DIP2B: variants seen among roughly 807,000 people sequenced by gnomAD.
DIP2B encodes disco-interacting protein 2 homolog B.
A neutral mutation model predicts 198.0 loss-of-function variants in DIP2B; 76 were observed. The observed-to-expected ratio is 0.38, with a 90% CI of 0.32 to 0.46. The LOEUF is 0.46. DIP2B is among the 20% of genes least tolerant of loss of function. The probability of loss-of-function intolerance (pLI) is 0.99; values close to 1 mark genes in which losing one functional copy is unlikely to be tolerated. For missense variants in DIP2B, 1,559 were observed against 1,978.4 expected (o/e 0.79, Z 4.02); for synonymous variants, 701 against 739.1 (o/e 0.95, Z 0.84).
intron 1 of DIP2B, among the ~76,000 whole-genome samples, chr12:50,565,144 A>G (rs1958552635): frequency 1.3e-5 from 2 of 151,924 alleles, no homozygotes; most frequent in South Asian, 4.2e-4. Context: ...CTGGGACTAA[A>G]GGCATGCACT....
intron 1 of DIP2B, among the ~76,000 whole-genome samples, chr12:50,505,792 G>A (rs970145628): frequency 6.6e-6 from 1 of 152,098 alleles, no homozygotes; most frequent in Non-Finnish European, 1.5e-5. Context: ...GTCCTAGGAA[G>A]ATAAGAAGCA....
chr12:50,573,159 G>C (rs1358247855), intron 1 of DIP2B, among the ~76,000 whole-genome samples: 1 of 152,188 alleles, frequency 6.6e-6, no homozygotes, highest in African/African-American at 2.4e-5. Flanking sequence ...TCATAATCCA[G>C]AAGAGGTAAA....
chr12:50,698,615 C>T lies in DIP2B; in HGVS notation c.2188+148C>T, dbSNP rs144887002. The T allele has an allele frequency of 7.8e-4, 773 of 991,184 alleles. 6 individuals carry two copies. The African/African-American group carries it at 0.011, about 14-fold the overall frequency. 61.4% of individuals were successfully genotyped at this position (991,184 alleles called of 1,614,324 possible). On this transcript the variant is annotated intron_variant, in intron 18 of 37. Transcript: ENST00000301180. ...CTCAGAGCCTCTCTAATAGTTAAGT[C>T]ATTATAATTATGCTGACCTTCCAGC...
At chr12:50,557,903 T>C (rs987440295) in intron 1 of DIP2B, among the ~76,000 whole-genome samples, 1 of 152,164 alleles carries the variant, frequency 6.6e-6, no homozygotes, top group Non-Finnish European at 1.5e-5. Context: ...TCTCAGCACT[T>C]TGGGAGGCTG....
chr12:50,562,560 C>G (rs1269196554), intron 1 of DIP2B, among the ~76,000 whole-genome samples: 7 of 151,782 alleles, frequency 4.6e-5, no homozygotes. Context: ...CATGCAAAAC[C>G]CCTCTCTACA....
At chr12:50,649,979 C>T (rs1331460716) in intron 3 of DIP2B, among the ~76,000 whole-genome samples, 5 of 152,008 alleles carry the variant, frequency 3.3e-5, no homozygotes, top group Non-Finnish European at 7.4e-5. Flanking sequence ...AAAGCCGAGG[C>T]GGGTGGATCA....
chr12:50,691,690 G>T (rs1939225069), intron 13 of DIP2B, among the ~76,000 whole-genome samples: 1 of 152,028 alleles, frequency 6.6e-6, no homozygotes, highest in Admixed American at 6.6e-5. Flanking sequence ...AGACAACAAT[G>T]TTCTATCATG....
intron 1 of DIP2B, among the ~76,000 whole-genome samples, chr12:50,599,635 C>CA (rs1271961367): frequency 6.6e-6 from 1 of 151,938 alleles, no homozygotes; most frequent in African/African-American, 2.4e-5. Context: ...AAAAACAAAA[C>CA]AAAAAAACAA....
chr12:50,673,418 GTTT>G (rs1170186612), intron 5 of DIP2B, among the ~76,000 whole-genome samples: 3 of 152,200 alleles, frequency 2.0e-5, no homozygotes, highest in Non-Finnish European at 4.4e-5. Flanking sequence ...ACTATGTGGT[GTTT>G]TTTGTTGTTG....
chr12:50,528,925 T>TA (rs1958191459), intron 1 of DIP2B, among the ~76,000 whole-genome samples: 2 of 152,216 alleles, frequency 1.3e-5, no homozygotes, highest in South Asian at 2.1e-4. Context: ...TTTGTGATTA[T>TA]GAACTTGGTG....
At chr12:50,702,591 T>A (rs1939438783) in intron 19 of DIP2B, among the ~76,000 whole-genome samples, 1 of 151,526 alleles carries the variant, frequency 6.6e-6, no homozygotes, top group African/African-American at 2.4e-5. Flanking sequence ...GGTGCTGTGG[T>A]TCACACCTGT....
At chr12:50,695,454 C>T (rs771204667) in intron 15 of DIP2B, 94 bp downstream of exon 15, 361 of 1,169,592 alleles carry the variant, frequency 3.1e-4, no homozygotes, top group Non-Finnish European at 4.0e-4. Context: ...TTGTATGCCC[C>T]TGTCCCTTAA....
Position 50,744,746 on chromosome 12 carries a change from G to A in DIP2B, c.4638G>A (p.Pro1546=), listed in dbSNP as rs546140546. 1.3e-4 allele frequency: 208 copies of A among 1,614,104 alleles called. 2 individuals carry two copies. In the South Asian group the frequency reaches 2.2e-3, roughly 17 times the overall value. The change falls in exon 38 of 38, where the codon CCG becomes CCA. Residue 1546 remains proline, a synonymous_variant. Transcript: ENST00000301180. ...TTGTGGTGGACCCAGGTGTCATCCC[G>A]ATCAACTCCAGAGGAGAGAAGCAGA... ...VVVVVDPGVI[P]INSRGEKQRM...
At chr12:50,714,809 T>TG (rs1939684434) in intron 23 of DIP2B, among the ~76,000 whole-genome samples, 1 of 151,960 alleles carries the variant, frequency 6.6e-6, no homozygotes, top group Non-Finnish European at 1.5e-5. Context: ...CCAGGCCCGG[T>TG]GGTGCACACC....
chr12:50,652,514 C>T (rs1042674926), intron 3 of DIP2B, among the ~76,000 whole-genome samples: 6 of 151,688 alleles, frequency 4.0e-5, no homozygotes, highest in African/African-American at 9.7e-5. Flanking sequence ...CTAGCCTGGG[C>T]GACAGACTGA....
chr12:50,569,699 T>TAAA (rs1233019855), intron 1 of DIP2B, among the ~76,000 whole-genome samples: 1 of 152,220 alleles, frequency 6.6e-6, no homozygotes, highest in African/African-American at 2.4e-5. Context: ...TTCTGCTGTG[T>TAAA]TTTACTAAAC....
In DIP2B at chr12:50,702,645, C is replaced by T. The variant is rs908429591; in HGVS notation, c.2326-1495C>T. Among the ~76,000 whole-genome samples the T allele has an allele frequency of 2.1e-5, 3 of 144,168 alleles. No homozygotes were observed. The Admixed American group carries it at 2.2e-4, about 11-fold the overall frequency. 94.6% of individuals were successfully genotyped at this position (144,168 alleles called of 152,430 possible). On this transcript the variant is annotated intron_variant, in intron 19 of 37. Transcript: ENST00000301180. ...GTGTGACACGGGGGATCACATGGGC[C>T]GAGGAGTTCAAGGCTGTACTGAACC...
At chr12:50,590,469 A>G (rs1196453828) in intron 1 of DIP2B, among the ~76,000 whole-genome samples, 1 of 152,054 alleles carries the variant, frequency 6.6e-6, no homozygotes, top group Non-Finnish European at 1.5e-5. Flanking sequence ...TCCGGGGTTC[A>G]AGCAATTCTC....
chr12:50,729,022 G>A (rs146610968), intron 30 of DIP2B, among the ~76,000 whole-genome samples: 11 of 152,216 alleles, frequency 7.2e-5, no homozygotes, highest in African/African-American at 2.6e-4. Flanking sequence ...GTACCCCCTC[G>A]GCTTGGCAGG....
Sources: gnomAD v4.1 joint callset for allele counts (sites outside exome capture counted in the v4.1 genomes callset) on GRCh38, gnomAD v4.1.1 for gene constraint, MANE v1.5 for transcripts, NCBI Gene and HGNC (gene_info 2026-07-23, HGNC 2026-07-21) for gene names.